Variants in ADCY2 observed in about 807,000 individuals in gnomAD.
ADCY2 encodes the protein adenylate cyclase type 2.
Under a neutral mutation model 125.2 loss-of-function variants are expected in ADCY2, and 31 were observed. The observed-to-expected ratio is 0.25, with a 90% CI of 0.19 to 0.33. The LOEUF is 0.33. Among genes scored for constraint, ADCY2 ranks in the 10% least tolerant of loss-of-function variants. ADCY2 has a pLI of 1.00. For synonymous variants in ADCY2, 512 were observed against 548.4 expected (o/e 0.93, Z 0.93); for missense variants, 904 against 1,418.2 (o/e 0.64, Z 5.82).
chr5:7,509,281 A>G (rs555860963), intron 2 of ADCY2, among the ~76,000 whole-genome samples: 10 of 152,224 alleles, frequency 6.6e-5, no homozygotes, highest in Non-Finnish European at 1.5e-5. Flanking sequence ...CACATATGGT[A>G]TATGGATATT....
chr5:7,816,248 CTA>C (rs1283873107), intron 22 of ADCY2, among the ~76,000 whole-genome samples: 5 of 152,220 alleles, frequency 3.3e-5, no homozygotes, highest in African/African-American at 1.2e-4. Context: ...GTTCCCAGAA[CTA>C]GAGAGAGCTG....
intron 3 of ADCY2, among the ~76,000 whole-genome samples, chr5:7,558,319 C>A (rs1735601140): frequency 6.6e-6 from 1 of 152,154 alleles, no homozygotes; most frequent in South Asian, 2.1e-4. Context: ...TCCCAAAGTG[C>A]TGGGATTACA....
intron 3 of ADCY2, among the ~76,000 whole-genome samples, chr5:7,606,297 C>A (rs1292550062): frequency 1.3e-5 from 2 of 151,856 alleles, no homozygotes; most frequent in Non-Finnish European, 2.9e-5. Context: ...TAAATGTGGC[C>A]CAGGTTTGGA....
intron 3 of ADCY2, among the ~76,000 whole-genome samples, chr5:7,541,389 G>T (rs1734987942): frequency 6.6e-6 from 1 of 152,250 alleles, no homozygotes; most frequent in African/African-American, 2.4e-5. Flanking sequence ...TTAAAGGTCT[G>T]ATGGGAACAC....
At chr5:7,803,369 G>A (rs1247348165) in intron 21 of ADCY2, among the ~76,000 whole-genome samples, 2 of 152,184 alleles carry the variant, frequency 1.3e-5, no homozygotes, top group Non-Finnish European at 2.9e-5. Flanking sequence ...CTGAAATCAA[G>A]AGATCCAAGG....
rs369367060 is a variant in ADCY2 at position 7,762,868 on chromosome 5, T to A, written c.2095-3819T>A. ...CAAGAATAACAGTTATTTGTGTTGG[T>A]GGAGTGGGGGGCTGTGGGCGCGCAT... is the stretch of plus-strand genomic sequence containing the variant. On this transcript the variant is annotated intron_variant, in intron 16 of 24. Coordinates refer to ENST00000338316, the MANE Select transcript of ADCY2 (RefSeq NM_020546.3). Among the ~76,000 whole-genome samples, 22 of 152,164 alleles carry A rather than the reference T, an allele frequency of 1.4e-4. No individual in the cohort carries two copies. In the East Asian group the frequency reaches 2.7e-3, roughly 19 times the overall value.
In ADCY2 at chr5:7,588,797, G is replaced by T. The variant is rs774512283; in HGVS notation, c.571-37370G>T. Among the ~76,000 whole-genome samples, 58 of 152,176 alleles carry T rather than the reference G, an allele frequency of 3.8e-4. 1 individual carries two copies. Among genetic ancestry groups the T allele is most frequent in the Non-Finnish European group, 3.4e-4 (23 of 68,024 alleles). On this transcript the variant is annotated intron_variant, in intron 3 of 24. Transcript: ENST00000338316. Reference sequence around the variant, plus strand: ...AAAAATCATTCTTAGCTCTTGGGCTGTACAAAAACAAGCTGCAGGACTGAT... The same window carrying T: ...AAAAATCATTCTTAGCTCTTGGGCTTTACAAAAACAAGCTGCAGGACTGAT...
rs548894609 is a variant in ADCY2, at chr5:7,730,536, A to G, written c.1871+3275A>G. Among the ~76,000 whole-genome samples, 21 of 152,248 alleles carry G rather than the reference A, an allele frequency of 1.4e-4. No individual in the cohort carries two copies. In the East Asian group the frequency reaches 4.0e-3, roughly 29 times the overall value. On this transcript the variant is annotated intron_variant, in intron 14 of 24. Coordinates refer to ENST00000338316, the MANE Select transcript of ADCY2 (RefSeq NM_020546.3). ...AATTTATTTATATTTTTGGTGATGT[A>G]TATGATTTGTTAGGGTTTTTGGAGG...
intron 18 of ADCY2, among the ~76,000 whole-genome samples, chr5:7,778,955 T>G (rs1363925612): frequency 6.6e-6 from 1 of 152,194 alleles, no homozygotes; most frequent in African/African-American, 2.4e-5. Flanking sequence ...AAATTTGCAT[T>G]CCAAGCCATA....
At chr5:7,474,463 G>A (rs575252365) in intron 2 of ADCY2, among the ~76,000 whole-genome samples, 13 of 152,352 alleles carry the variant, frequency 8.5e-5, no homozygotes, top group Non-Finnish European at 1.6e-4. Flanking sequence ...ACTGGACAAT[G>A]CTCTTAAGGA....
intron 2 of ADCY2, among the ~76,000 whole-genome samples, chr5:7,468,712 C>T (rs1160201875): frequency 6.6e-6 from 1 of 152,086 alleles, no homozygotes; most frequent in Non-Finnish European, 1.5e-5. Context: ...TAGAAGTTAG[C>T]ATAAAAGGCA....
At chr5:7,403,226 G>T (rs1249271402) in intron 1 of ADCY2, among the ~76,000 whole-genome samples, 5 of 151,968 alleles carry the variant, frequency 3.3e-5, no homozygotes, top group Non-Finnish European at 7.4e-5. Flanking sequence ...ATGATCTGTG[G>T]TCATTATGAA....
At chr5:7,583,628 G>A (rs1278280990) in intron 3 of ADCY2, among the ~76,000 whole-genome samples, 1 of 152,056 alleles carries the variant, frequency 6.6e-6, no homozygotes, top group Non-Finnish European at 1.5e-5. Context: ...AAAGTTATCG[G>A]ATAACTGGAC....
chr5:7,802,229 C>T lies in ADCY2; in HGVS notation c.2640C>T (p.His880=), dbSNP rs1474788698. The T allele has an allele frequency of 6.2e-7, 1 of 1,613,700 alleles. No individual in the cohort carries two copies. The change falls in exon 21 of 25, where the codon CAC becomes CAT. Residue 880 remains histidine, a synonymous_variant. Transcript: ENST00000338316. The surrounding 1 kb of genome is among the most constrained non-coding windows in gnomAD (Gnocchi z 4.6). ...TTTCTCCCAAGCAGGAGCTATACCACCAGTCCTATGACTGCGTCTGCGTCA... is the reference window on the plus strand; with the variant it reads ...TTTCTCCCAAGCAGGAGCTATACCATCAGTCCTATGACTGCGTCTGCGTCA... The part of the protein sequence containing the change: ...ARSLKNEELY[H]QSYDCVCVMF...
At chr5:7,414,283 C>A (rs1739848529) in intron 1 of ADCY2, among the ~76,000 whole-genome samples, 1 of 152,166 alleles carries the variant, frequency 6.6e-6, no homozygotes, top group Admixed American at 6.5e-5. Context: ...TTCTTACATT[C>A]ACTTCTGAAT....
chr5:7,726,057 C>T (rs540864020), intron 13 of ADCY2, among the ~76,000 whole-genome samples: 3 of 152,204 alleles, frequency 2.0e-5, no homozygotes, highest in Admixed American at 1.3e-4. Flanking sequence ...TCTGGAGACC[C>T]CTCAGAGATC....
chr5:7,531,557 C>T (rs2126546504), intron 3 of ADCY2, among the ~76,000 whole-genome samples: 1 of 151,994 alleles, frequency 6.6e-6, no homozygotes, highest in Non-Finnish European at 1.5e-5. Flanking sequence ...GGGTGGTTCC[C>T]TCTGGAGGTT....
intron 2 of ADCY2, among the ~76,000 whole-genome samples, chr5:7,477,433 A>G (rs1561046929): frequency 6.6e-6 from 1 of 152,192 alleles, no homozygotes; most frequent in Non-Finnish European, 1.5e-5. Context: ...AGAATTGTCA[A>G]CCTTGAGTTG....
chr5:7,428,385 G>C (rs982226693), intron 2 of ADCY2, among the ~76,000 whole-genome samples: 1 of 152,154 alleles, frequency 6.6e-6, no homozygotes, highest in African/African-American at 2.4e-5. Flanking sequence ...TTAAGCCAAA[G>C]ATAGAGTTTT....
Sources: gnomAD v4.1 joint callset for allele counts (sites outside exome capture counted in the v4.1 genomes callset) on GRCh38, gnomAD v4.1.1 for gene constraint, Gnocchi (gnomAD v3.1) non-coding constraint, MANE v1.5 for transcripts, NCBI Gene and HGNC (gene_info 2026-07-23, HGNC 2026-07-21) for gene names.